Variants in WWP2 observed in about 807,000 individuals in gnomAD.
WWP2 encodes NEDD4-like E3 ubiquitin-protein ligase WWP2.
Under a neutral mutation model 121.0 loss-of-function variants are expected in WWP2, and 57 were observed. The observed-to-expected ratio is 0.47, with a 90% CI of 0.38 to 0.59. The LOEUF (loss-of-function observed/expected upper bound fraction) is 0.59, where lower values mean the gene tolerates loss of function less well. WWP2 is among the 20% of genes least tolerant of loss of function. The pLI is 0.00. For synonymous variants in WWP2, 449 were observed against 441.3 expected (o/e 1.02, Z -0.22); for missense variants, 962 against 1,158.9 (o/e 0.83, Z 2.47).
chr16:69,883,352 G>A (rs1186680424), intron 7 of WWP2, among the ~76,000 whole-genome samples: 1 of 151,428 alleles, frequency 6.6e-6, no homozygotes, highest in Non-Finnish European at 1.5e-5. Flanking sequence ...GTGATGGGGT[G>A]GATTGACTCC....
At chr16:69,778,190 ATATT>A (rs1325140059) in intron 1 of WWP2, among the ~76,000 whole-genome samples, 2 of 103,822 alleles carry the variant, frequency 1.9e-5, no homozygotes, top group African/African-American at 7.6e-5. Context: ...ATATATATAT[ATATT>A]TTTTTTTTTT....
At chr16:69,839,315 A>G (rs1323057122) in intron 4 of WWP2, among the ~76,000 whole-genome samples, 1 of 152,226 alleles carries the variant, frequency 6.6e-6, no homozygotes, top group Admixed American at 6.5e-5. Context: ...ACTGAAGGGA[A>G]CTGAAATATT....
chr16:69,937,146 G>A lies in WWP2; in HGVS notation c.2146G>A (p.Gly716Ser). 1.2e-6 allele frequency: 2 copies of A among 1,614,034 alleles called. No individual in the cohort carries two copies. Among genetic ancestry groups the A allele is most frequent in the Non-Finnish European group, 1.7e-6 (2 of 1,179,980 alleles). ...MLLTDWRFTR[G>S]VEEQTKAFLD... Reference sequence around the variant, plus strand: ...GCTGACTGACTGGCGTTTCACCCGAGGCGTGGAAGAGCAGACCAAAGCCTT... The same window carrying A: ...GCTGACTGACTGGCGTTTCACCCGAAGCGTGGAAGAGCAGACCAAAGCCTT... Residue 716 changes from glycine to serine, a missense_variant, in exon 20 of 24, where the codon GGC becomes AGC. Around this residue, in one of 3 missense-constraint regions of WWP2, gnomAD observed 606 missense variants for 772.6 expected, o/e 0.78. Transcript: ENST00000359154. This position sits in a 1 kb window ranked among gnomAD's most constrained non-coding sequence, Gnocchi z 6.6.
chr16:69,937,165 A>C lies in WWP2; in HGVS notation c.2165A>C (p.Lys722Thr). Reference protein sequence around the residue: ...RFTRGVEEQTKAFLDGFNEVA... With the variant: ...RFTRGVEEQTTAFLDGFNEVA... ...ACCCGAGGCGTGGAAGAGCAGACCA[A>C]AGCCTTCCTGGATGGCTTCAACGAG... The change falls in exon 20 of 24, where the codon AAA becomes ACA. Residue 722 changes from lysine (K) to threonine (T), a missense_variant. Physicochemically the swap from Lys to Thr is moderately conservative, Grantham distance 78 (BLOSUM62 -1). This residue lies in a region of WWP2 where 606 missense variants were observed against 772.6 expected (regional missense o/e 0.78). Coordinates refer to ENST00000359154, the MANE Select transcript of WWP2 (RefSeq NM_001270454.2). The surrounding 1 kb of genome is among the most constrained non-coding windows in gnomAD (Gnocchi z 6.6). The C allele has an allele frequency of 1.2e-6, 2 of 1,613,860 alleles. No individual in the cohort carries two copies. Among genetic ancestry groups the C allele is most frequent in the Non-Finnish European group, 1.7e-6 (2 of 1,179,956 alleles).
chr16:69,851,404 T>C (rs559531109), intron 6 of WWP2, among the ~76,000 whole-genome samples: 1 of 152,272 alleles, frequency 6.6e-6, no homozygotes, highest in African/African-American at 2.4e-5. Context: ...AGTTTTGCCA[T>C]TTCCAGAATG....
intron 4 of WWP2, among the ~76,000 whole-genome samples, chr16:69,812,145 G>T (rs2056403808): frequency 7.3e-6 from 1 of 136,234 alleles, no homozygotes; most frequent in Non-Finnish European, 1.5e-5. Flanking sequence ...CATCGGCGTT[G>T]TTGAAGAGTA....
At chr16:69,771,253 T>C (rs566848334) in intron 1 of WWP2, among the ~76,000 whole-genome samples, 1 of 152,280 alleles carries the variant, frequency 6.6e-6, no homozygotes, top group South Asian at 2.1e-4. Flanking sequence ...GTAATAATTA[T>C]TATTTTTCTT....
intron 4 of WWP2, among the ~76,000 whole-genome samples, chr16:69,836,953 C>T (rs570448445): frequency 6.7e-6 from 1 of 149,938 alleles, no homozygotes; most frequent in South Asian, 2.1e-4. Context: ...GACGCAGTCT[C>T]ATTTTGGTTG....
chr16:69,832,825 G>A (rs901187505), intron 4 of WWP2, among the ~76,000 whole-genome samples: 1 of 152,124 alleles, frequency 6.6e-6, no homozygotes, highest in African/African-American at 2.4e-5. Flanking sequence ...TTACAGGTGT[G>A]AACCACTGTG....
chr16:69,838,973 A>G (rs1383696621), intron 4 of WWP2: 10 of 400,776 alleles, frequency 2.5e-5, no homozygotes, highest in Non-Finnish European at 3.1e-5. Context: ...GTATCTGTAG[A>G]GGGATTTAGA....
At chr16:69,802,052 C>T (rs755455363) in intron 4 of WWP2, among the ~76,000 whole-genome samples, 3 of 151,878 alleles carry the variant, frequency 2.0e-5, no homozygotes, top group Non-Finnish European at 4.4e-5. Context: ...GCCTCAGCCT[C>T]CCGAGTAGCT....
chr16:69,811,483 T>A (rs1267802178), intron 4 of WWP2, among the ~76,000 whole-genome samples: 1 of 152,092 alleles, frequency 6.6e-6, no homozygotes, highest in East Asian at 1.9e-4. Context: ...CAGGGTCTGG[T>A]GGCTTATACC....
intron 13 of WWP2, among the ~76,000 whole-genome samples, chr16:69,930,769 A>G (rs553932554): frequency 6.6e-6 from 1 of 152,290 alleles, no homozygotes; most frequent in African/African-American, 2.4e-5. Flanking sequence ...CTACTTGGAA[A>G]GCTAAAGCGG....
chr16:69,816,475 C>T (rs1407857050), intron 4 of WWP2, among the ~76,000 whole-genome samples: 1 of 147,692 alleles, frequency 6.8e-6, no homozygotes, highest in South Asian at 2.1e-4. Flanking sequence ...AATATATATA[C>T]TTTATATATG....
chr16:69,868,688 C>T (rs2362637), intron 6 of WWP2, among the ~76,000 whole-genome samples: 1 of 150,456 alleles, frequency 6.6e-6, no homozygotes, highest in Non-Finnish European at 1.5e-5. Context: ...CACACACACA[C>T]ACACAGACAT....
At chr16:69,856,726 A>G (rs1215878551) in intron 6 of WWP2, among the ~76,000 whole-genome samples, 2 of 151,974 alleles carry the variant, frequency 1.3e-5, no homozygotes, top group Non-Finnish European at 2.9e-5. Context: ...GTGAGCTGAG[A>G]TCACGCCACT....
At chr16:69,868,134 T>C (rs563285719) in intron 6 of WWP2, among the ~76,000 whole-genome samples, 1 of 152,300 alleles carries the variant, frequency 6.6e-6, no homozygotes, top group East Asian at 1.9e-4. Flanking sequence ...ACTCCAGATT[T>C]AGGGCAAGGG....
chr16:69,886,929 T>C (rs2057936362), intron 7 of WWP2, among the ~76,000 whole-genome samples: 1 of 152,236 alleles, frequency 6.6e-6, no homozygotes, highest in African/African-American at 2.4e-5. Context: ...AAATGATGAC[T>C]AAGGTGTTTT....
chr16:69,763,188 A>C (rs1216106120), intron 1 of WWP2, among the ~76,000 whole-genome samples: 1 of 152,258 alleles, frequency 6.6e-6, no homozygotes, highest in African/African-American at 2.4e-5. Flanking sequence ...TCTTGGACAG[A>C]GAAGTGTCTA....
Sources: gnomAD v4.1 joint callset for allele counts (sites outside exome capture counted in the v4.1 genomes callset) on GRCh38, gnomAD v4.1.1 for gene constraint, gnomAD v4.1.1 regional missense constraint, Gnocchi (gnomAD v3.1) non-coding constraint, MANE v1.5 for transcripts, NCBI Gene and HGNC (gene_info 2026-07-23, HGNC 2026-07-21) for gene names.